The following RAD51D variants were observed in gnomAD, a reference collection of about 807,000 sequenced individuals.
The protein encoded by RAD51D is RAD51 paralog D.
RAD51D carries 38 observed loss-of-function variants against 44.1 expected under a neutral mutation model. That is an observed-to-expected ratio of 0.86 (90% CI 0.67 to 1.13). The LOEUF is 1.13. Among genes scored for constraint, RAD51D ranks in the 50% most tolerant of loss-of-function variants. The pLI is 0.00. For synonymous variants in RAD51D, 141 were observed against 166.6 expected, an observed-to-expected ratio of 0.85 and a Z score of 1.18; for missense variants, 390 against 414.0, an observed-to-expected ratio of 0.94 and a Z score of 0.50.
rs2091510191 is a variant in RAD51D, at chr17:35,099,406, G to A, written c.*1547C>T. On this transcript the variant is annotated 3_prime_UTR_variant, in exon 10 of 10. Coordinates refer to ENST00000345365, the MANE Select transcript of RAD51D (RefSeq NM_002878.4). ...GCTGAAGATGCCCAAATAGTACCTT[G>A]AGTGGCAAGAATTTGCAATTTCCAG... The A allele has an allele frequency of 5.5e-6, 1 of 182,836 alleles. No individual in the cohort carries two copies. Among genetic ancestry groups the A allele is most frequent in the African/African-American group, 2.4e-5 (1 of 42,498 alleles). 11.3% of individuals were successfully genotyped at this position (182,836 alleles called of 1,614,324 possible). A position where few individuals can be genotyped will look rare whatever the true frequency, so the allele number is the denominator to read the frequency against.
intron 6 of RAD51D, among the ~76,000 whole-genome samples, chr17:35,105,298 A>AT (rs1270852668): frequency 6.6e-6 from 1 of 151,076 alleles, no homozygotes; most frequent in Non-Finnish European, 1.5e-5. Context: ...TTTGTTCAAC[A>AT]TTTTTTTTTA....
At chr17:35,115,659 G>A (rs1297174485) in intron 3 of RAD51D, among the ~76,000 whole-genome samples, 3 of 152,060 alleles carry the variant, frequency 2.0e-5, no homozygotes, top group African/African-American at 7.2e-5. Context: ...CACGAGGTCA[G>A]AAGATCGAGA....
Position 35,100,831 on chromosome 17 carries a change from C to A in RAD51D, c.*122G>T, listed in dbSNP as rs758906405. 1.2e-6 allele frequency: 1 copy of A among 834,166 alleles called. No individual in the cohort carries two copies. Among genetic ancestry groups the A allele is most frequent in the Non-Finnish European group, 2.1e-6 (1 of 485,312 alleles). 51.7% of individuals were successfully genotyped at this position (834,166 alleles called of 1,614,324 possible). ...GGCCAAGGAACCCAAGATGTCTCTT[C>A]TGGCCAGCCTGAGAACGTCTGTAGT... On this transcript the variant is annotated 3_prime_UTR_variant, in exon 10 of 10. Coordinates refer to ENST00000345365, the MANE Select transcript of RAD51D (RefSeq NM_002878.4).
At chr17:35,117,247 G>A (rs2091761408) in intron 3 of RAD51D, among the ~76,000 whole-genome samples, 1 of 152,206 alleles carries the variant, frequency 6.6e-6, no homozygotes, top group Non-Finnish European at 1.5e-5. Context: ...CCCTTAGCCA[G>A]TGCTTGATGG....
In RAD51D at chr17:35,109,108, C is replaced by T. The variant is rs529095326; in HGVS notation, c.264-1661G>A. 3.8e-4 allele frequency among the ~76,000 whole-genome samples: 58 copies of T among 152,256 alleles called. No individual in the cohort carries two copies. The South Asian group carries it at 0.011, about 29-fold the overall frequency. On this transcript the variant is annotated intron_variant, in intron 3 of 9. Coordinates refer to ENST00000345365, the MANE Select transcript of RAD51D (RefSeq NM_002878.4). ...TCTGGAACTCCTGACCTCAAGTGAT[C>T]CGCCCAACACAGCCTCCCAAAGTGC...
chr17:35,119,851 T>G lies in RAD51D; in HGVS notation c.-238A>C. ...GCCCGCCCGCCGGGTCGCGCCGCGC[T>G]GCCGCTTCCGGGTTCCAGGCTGGCG... On this transcript the variant is annotated 5_prime_UTR_variant, in exon 1 of 10. Coordinates refer to ENST00000345365, the MANE Select transcript of RAD51D (RefSeq NM_002878.4). 1.5e-6 allele frequency: 1 copy of G among 658,790 alleles called. No individual in the cohort carries two copies. The highest frequency in any genetic ancestry group is 2.8e-6 in the Non-Finnish European group (1 of 361,382). 40.8% of individuals were successfully genotyped at this position (658,790 alleles called of 1,614,324 possible).
chr17:35,108,860 TTTC>T (rs1408626586), intron 3 of RAD51D, among the ~76,000 whole-genome samples: 9 of 136,730 alleles, frequency 6.6e-5, no homozygotes, highest in Admixed American at 6.0e-4. Context: ...ATTGGCTTTT[TTTC>T]TTTTCTTTTT....
intron 1 of RAD51D, 143 bp from the exon 2 acceptor site, chr17:35,119,315 G>A (rs2091792725): frequency 2.1e-6 from 2 of 937,746 alleles, no homozygotes; most frequent in Middle Eastern, 2.7e-4. Flanking sequence ...CAAAGCTGCA[G>A]GAGCCGGCGC....
chr17:35,100,946 G>A lies in RAD51D; in HGVS notation c.*7C>T, dbSNP rs370985675. On this transcript the variant is annotated 3_prime_UTR_variant, in exon 10 of 10. Coordinates refer to ENST00000345365, the MANE Select transcript of RAD51D (RefSeq NM_002878.4). ...ATGCTTCCCTGTTTCCCAAACAACA[G>A]CACAGGTCATGTCTGATCACCCTGT... 3.4e-5 allele frequency: 54 copies of A among 1,608,262 alleles called. No homozygotes were observed. In the African/African-American group the frequency reaches 6.6e-4, roughly 20 times the overall value.
intron 3 of RAD51D, among the ~76,000 whole-genome samples, chr17:35,113,825 C>T (rs945362944): frequency 1.3e-5 from 2 of 152,152 alleles, no homozygotes; most frequent in East Asian, 1.9e-4. Context: ...TTCACAGCTC[C>T]GCTCCCCAAG....
intron 3 of RAD51D, chr17:35,117,121 C>T: frequency 1.4e-6 from 2 of 1,402,604 alleles, no homozygotes; most frequent in Non-Finnish European, 9.8e-7. Context: ...TCCCTCGGTG[C>T]TTACAGCTCT....
intron 3 of RAD51D, among the ~76,000 whole-genome samples, chr17:35,110,719 C>G (rs2091663772): frequency 6.6e-6 from 1 of 152,216 alleles, no homozygotes; most frequent in African/African-American, 2.4e-5. Context: ...TGTGTGTAAT[C>G]CCAGCATTTT....
In RAD51D at chr17:35,096,946, T is replaced by C. The variant is rs1205093952; in HGVS notation, c.*4007A>G. The C allele has an allele frequency of 1.3e-5, 2 of 152,164 alleles. No homozygotes were observed. The highest frequency in any genetic ancestry group is 4.8e-5 in the African/African-American group (2 of 41,442). 9.4% of individuals were successfully genotyped at this position (152,164 alleles called of 1,614,324 possible). ...TGCAGCCTTAATGATACATGGACCT[T>C]TGCCTGAGTCCTTGGGAATTCAAAT... On this transcript the variant is annotated 3_prime_UTR_variant, in exon 10 of 10. Transcript: ENST00000345365.
chr17:35,112,894 A>G (rs537540808), intron 3 of RAD51D, among the ~76,000 whole-genome samples: 2 of 152,350 alleles, frequency 1.3e-5, no homozygotes, highest in South Asian at 2.1e-4. Flanking sequence ...GCACTAGCAC[A>G]GTGCCTGAAA....
chr17:35,105,611 T>C (rs1221433471), intron 6 of RAD51D, among the ~76,000 whole-genome samples: 1 of 152,216 alleles, frequency 6.6e-6, no homozygotes, highest in East Asian at 1.9e-4. Flanking sequence ...TAGTCATTTA[T>C]AAATCAGTGC....
At position 35,103,123 on chromosome 17, in the gene RAD51D, C is replaced by G; in HGVS notation, c.738+131G>C. On this transcript the variant is annotated intron_variant, in intron 8 of 9. Transcript: ENST00000345365. This position sits in a 1 kb window ranked among gnomAD's most constrained non-coding sequence, Gnocchi z 4.1. ...AGCTATTTATGGTGCAAAGCTGTAG[C>G]TGACCCAGGGAAGCTGGGATATGTC... 1 of 815,972 alleles carries G rather than the reference C, an allele frequency of 1.2e-6. No individual in the cohort carries two copies. Among genetic ancestry groups the G allele is most frequent in the Non-Finnish European group, 2.1e-6 (1 of 477,850 alleles). 50.5% of individuals were successfully genotyped at this position (815,972 alleles called of 1,614,324 possible). A position where few individuals can be genotyped will look rare whatever the true frequency, so the allele number is the denominator to read the frequency against.
rs1256721417 is a variant in RAD51D, at chr17:35,119,578, A to G, written c.36T>C (p.Leu12=). ...TGAGAAGCTGGATCATCTCCTCGGT[A>G]AGGCCAGGGCACAGTCCGACCCTGA... ...GVLRVGLCPG[L]TEEMIQLLRS... The change falls in exon 1 of 10, where the codon CTT becomes CTC. Residue 12 remains leucine (L), a synonymous_variant. Coordinates refer to ENST00000345365, the MANE Select transcript of RAD51D (RefSeq NM_002878.4). 1 of 1,612,686 alleles carries G rather than the reference A, an allele frequency of 6.2e-7. No individual in the cohort carries two copies. The highest frequency in any genetic ancestry group is 8.5e-7 in the Non-Finnish European group (1 of 1,179,932).
At chr17:35,113,535 C>T (rs2091702023) in intron 3 of RAD51D, 1 of 435,436 alleles carries the variant, frequency 2.3e-6, no homozygotes, top group African/African-American at 2.0e-5. Context: ...TCCCAAAGTG[C>T]TGGGATTATA....
At chr17:35,107,182 C>G (rs2142434810) in intron 4 of RAD51D, 60 bp from the exon 5 acceptor site, 1 of 1,600,086 alleles carries the variant, frequency 6.2e-7, no homozygotes, top group Non-Finnish European at 8.6e-7. Context: ...TGGGAGCTCC[C>G]CACCAAACCT....
Sources: allele counts gnomAD v4.1 joint callset (sites outside exome capture counted in the v4.1 genomes callset), GRCh38; gene constraint gnomAD v4.1.1; non-coding constraint Gnocchi (gnomAD v3.1); transcripts MANE v1.5; gene names NCBI Gene and HGNC (gene_info 2026-07-23, HGNC 2026-07-21).